Variants in SPTSSB observed in about 807,000 individuals in gnomAD.
SPTSSB encodes androgen down regulated in mouse prostate.
A neutral mutation model predicts 7.7 loss-of-function variants in SPTSSB; 6 were observed. The ratio of observed to expected loss-of-function variants is 0.78; its 90% CI spans 0.43 to 1.54. The LOEUF is 1.54. Ranked by LOEUF, SPTSSB falls within the 40% of genes most tolerant of loss-of-function variation. The pLI is 0.01. For synonymous variants in SPTSSB, 28 were observed against 29.7 expected, an observed-to-expected ratio of 0.94 and a Z score of 0.19; for missense variants, 91 against 93.0, an observed-to-expected ratio of 0.98 and a Z score of 0.09.
intron 1 of SPTSSB, among the ~76,000 whole-genome samples, chr3:161,365,400 G>A (rs937905831): frequency 6.6e-6 from 1 of 152,232 alleles, no homozygotes; most frequent in African/African-American, 2.4e-5. Context: ...TGCTATGATA[G>A]GGAAGTGTAA....
intron 2 of SPTSSB, among the ~76,000 whole-genome samples, chr3:161,353,602 A>G (rs2108158790): frequency 6.6e-6 from 1 of 152,242 alleles, no homozygotes; most frequent in South Asian, 2.1e-4. Context: ...TCGGGGGCCT[A>G]ATCACAAGCT....
At chr3:161,351,424 G>C (rs761928038) in intron 2 of SPTSSB, among the ~76,000 whole-genome samples, 1 of 152,142 alleles carries the variant, frequency 6.6e-6, no homozygotes. Flanking sequence ...AAACTCCAGT[G>C]AACTTTGCTG....
intron 2 of SPTSSB, among the ~76,000 whole-genome samples, chr3:161,353,919 A>T (rs886589945): frequency 6.6e-6 from 1 of 152,142 alleles, no homozygotes; most frequent in Non-Finnish European, 1.5e-5. Context: ...TTTGGCAACC[A>T]ATTCCTCATG....
chr3:161,356,925 T>C (rs1228598407), intron 2 of SPTSSB, among the ~76,000 whole-genome samples: 4 of 152,058 alleles, frequency 2.6e-5, no homozygotes, highest in Admixed American at 2.0e-4. Flanking sequence ...GAGGCTGCAC[T>C]GAGCTGTGGT....
intron 2 of SPTSSB, chr3:161,348,108 G>A (rs1054022198): frequency 1.1e-4 from 17 of 152,242 alleles, no homozygotes; most frequent in African/African-American, 4.1e-4. Flanking sequence ...TGAGCACTAA[G>A]TGGGAGGAAA....
intron 2 of SPTSSB, chr3:161,359,400 G>C (rs1473873322): frequency 6.6e-6 from 1 of 152,138 alleles, no homozygotes; most frequent in African/African-American, 2.4e-5. Context: ...TTAACCAGTA[G>C]ACCCATAAAT....
rs1715449199 is a variant in SPTSSB, at chr3:161,370,232, TG to T, written c.-126+1202del. ...AAGAAAACCAATGAGAGTTGAGGAC[TG>T]GTTGATTTTCAACTTCAAATCGACT... On this transcript the variant is annotated intron_variant, in intron 1 of 2. Coordinates refer to ENST00000620149, the MANE Select transcript of SPTSSB (RefSeq NM_001040100.2). Among the ~76,000 whole-genome samples the T allele has an allele frequency of 2.6e-5, 4 of 152,286 alleles. No homozygotes were observed. In the South Asian group the frequency reaches 8.4e-4, roughly 32 times the overall value.
chr3:161,355,523 G>A (rs144634715), intron 2 of SPTSSB, among the ~76,000 whole-genome samples: 1 of 152,308 alleles, frequency 6.6e-6, no homozygotes, highest in African/African-American at 2.4e-5. Flanking sequence ...TTCAGCTTTA[G>A]AACAGAAGGA....
At chr3:161,360,464 T>C (rs1396750489) in intron 1 of SPTSSB, among the ~76,000 whole-genome samples, 1 of 152,202 alleles carries the variant, frequency 6.6e-6, no homozygotes, top group Non-Finnish European at 1.5e-5. Flanking sequence ...TTTCTCAGTC[T>C]TTTTCCTCAT....
At chr3:161,365,733 T>C (rs560729919) in intron 1 of SPTSSB, among the ~76,000 whole-genome samples, 14 of 152,304 alleles carry the variant, frequency 9.2e-5, no homozygotes, top group South Asian at 6.2e-4. Context: ...TTAAACACTT[T>C]TCCTCTAAGC....
intron 2 of SPTSSB, among the ~76,000 whole-genome samples, chr3:161,346,672 T>G (rs1234531522): frequency 6.6e-6 from 1 of 152,224 alleles, no homozygotes; most frequent in Non-Finnish European, 1.5e-5. Context: ...TAGCCTCATT[T>G]TCCTGAGCCA....
In SPTSSB at chr3:161,363,633, G is replaced by A. The variant is rs1029248721; in HGVS notation, c.-125-3739C>T. Among the ~76,000 whole-genome samples, 4 of 151,882 alleles carry A rather than the reference G, an allele frequency of 2.6e-5. No individual in the cohort carries two copies. In the East Asian group the frequency reaches 7.7e-4, roughly 29 times the overall value. On this transcript the variant is annotated intron_variant, in intron 1 of 2. Coordinates refer to ENST00000620149, the MANE Select transcript of SPTSSB (RefSeq NM_001040100.2). ...AATTTTACCATTTTTAAAAAACTTT[G>A]TATATTGTTAACACTTTGGAGTTTT...
At chr3:161,347,765 G>C (rs1395941736) in intron 2 of SPTSSB, among the ~76,000 whole-genome samples, 1 of 151,870 alleles carries the variant, frequency 6.6e-6, no homozygotes, top group East Asian at 2.0e-4. Flanking sequence ...CCCAGCCGCT[G>C]GGGAGGCTGA....
At chr3:161,355,650 A>G (rs1450875636) in intron 2 of SPTSSB, among the ~76,000 whole-genome samples, 1 of 152,226 alleles carries the variant, frequency 6.6e-6, no homozygotes, top group Non-Finnish European at 1.5e-5. Flanking sequence ...AACCCTAGAA[A>G]CAGAAAAATG....
chr3:161,362,205 C>A (rs114723888), intron 1 of SPTSSB, among the ~76,000 whole-genome samples: 4,237 of 152,106 alleles, frequency 0.028, 89 homozygotes, highest in African/African-American at 0.039. Flanking sequence ...GAACCTAAAT[C>A]AATTTTACTT....
chr3:161,368,975 G>T (rs1366148605), intron 1 of SPTSSB, among the ~76,000 whole-genome samples: 1 of 152,046 alleles, frequency 6.6e-6, no homozygotes, highest in African/African-American at 2.4e-5. Context: ...AAACAACTTG[G>T]GTTGTTTCAA....
intron 2 of SPTSSB, among the ~76,000 whole-genome samples, chr3:161,347,502 T>C (rs1240903886): frequency 1.3e-5 from 2 of 151,842 alleles, no homozygotes; most frequent in African/African-American, 4.8e-5. Flanking sequence ...CCACAGGTGA[T>C]CTGCCCGCCT....
intron 2 of SPTSSB, among the ~76,000 whole-genome samples, chr3:161,349,071 G>A (rs1304799778): frequency 2.0e-5 from 3 of 152,138 alleles, no homozygotes; most frequent in Non-Finnish European, 4.4e-5. Flanking sequence ...ATGTGGTTAG[G>A]AGAATTCATT....
intron 1 of SPTSSB, among the ~76,000 whole-genome samples, chr3:161,371,105 G>C (rs1366268324): frequency 6.6e-6 from 1 of 152,160 alleles, no homozygotes; most frequent in Non-Finnish European, 1.5e-5. Context: ...ATTTAAGAAG[G>C]AAACCAAGCA....
Sources: gnomAD v4.1 joint callset for allele counts (sites outside exome capture counted in the v4.1 genomes callset) on GRCh38, gnomAD v4.1.1 for gene constraint, MANE v1.5 for transcripts, NCBI Gene and HGNC (gene_info 2026-07-23, HGNC 2026-07-21) for gene names.